Variants in PLG observed in about 807,000 individuals in gnomAD.
The protein encoded by PLG is plasminogen, also known as plasmin.
A neutral mutation model predicts 104.4 loss-of-function variants in PLG; 41 were observed. The observed-to-expected ratio is 0.39, with a 90% confidence interval of 0.31 to 0.51. PLG has a LOEUF of 0.51. Ranked by LOEUF, PLG falls within the 20% of genes least tolerant of loss-of-function variation. PLG has a pLI of 0.76. For synonymous variants in PLG, 337 were observed against 357.1 expected (o/e 0.94, Z 0.63); for missense variants, 891 against 1,003.6 (o/e 0.89, Z 1.52).
intron 1 of PLG, chr6:160,705,944 T>C: frequency 5.0e-6 from 1 of 198,024 alleles, no homozygotes; most frequent in South Asian, 9.7e-5. Flanking sequence ...TCCATAGTTC[T>C]AACCTGTTTG....
Position 160,752,911 on chromosome 6 carries a change from A to T in PLG, c.2283A>T (p.Gly761=). 1.2e-6 allele frequency: 2 copies of T among 1,613,778 alleles called. No individual in the cohort carries two copies. The change falls in exon 19 of 19, where the codon GGA becomes GGT. Residue 761 remains glycine, a synonymous_variant. Coordinates refer to ENST00000308192, the MANE Select transcript of PLG (RefSeq NM_000301.5). This position sits in a 1 kb window ranked among gnomAD's most constrained non-coding sequence, Gnocchi z 4.7. ...GGTDSCQGDS[G]GPLVCFEKDK... Reference sequence around the variant, plus strand: ...CTCCCTCTGTATAGGGTGACAGTGGAGGTCCTCTGGTTTGCTTCGAGAAGG... The same window carrying T: ...CTCCCTCTGTATAGGGTGACAGTGGTGGTCCTCTGGTTTGCTTCGAGAAGG...
At chr6:160,720,467 T>C (rs1777812466) in intron 9 of PLG, among the ~76,000 whole-genome samples, 1 of 125,636 alleles carries the variant, frequency 8.0e-6, no homozygotes, top group South Asian at 2.8e-4. Context: ...TCACCCAGGC[T>C]GGAGTGCAGT....
At position 160,753,972 on chromosome 6, in the gene PLG, C is replaced by T. The variant is rs4252181; in HGVS notation, c.*911C>T. 0.2 allele frequency among the ~76,000 whole-genome samples: 30,488 copies of T among 152,170 alleles called. 3,560 individuals are homozygous for T. The highest frequency in any genetic ancestry group is 0.27 in the Non-Finnish European group (18,588 of 67,982). ...AAATACAATTTAACAATGCAACAGT[C>T]ATCTTACAGCAGAGAAATGCAGAGA... is the stretch of plus-strand genomic sequence containing the variant. On this transcript the variant is annotated 3_prime_UTR_variant, in exon 19 of 19. Coordinates refer to ENST00000308192, the MANE Select transcript of PLG (RefSeq NM_000301.5). The surrounding 1 kb of genome is among the most constrained non-coding windows in gnomAD (Gnocchi z 5.4).
chr6:160,750,665 A>G (rs1350521434), intron 17 of PLG, among the ~76,000 whole-genome samples: 1 of 152,226 alleles, frequency 6.6e-6, no homozygotes, highest in African/African-American at 2.4e-5. Flanking sequence ...CATGCTGCTC[A>G]TGTAAACTCC....
At position 160,737,063 on chromosome 6, in the gene PLG, C is replaced by T. The variant is rs1306440664; in HGVS notation, c.1802+56C>T. 1 of 1,606,880 alleles carries T rather than the reference C, an allele frequency of 6.2e-7. No homozygotes were observed. The highest frequency in any genetic ancestry group is 1.3e-5 in the African/African-American group (1 of 74,718). ...GTCCCTCCACGTAAGCCCTGCAAAA[C>T]CCTTCTACATTTACATAAAATCCAC... On this transcript the variant is annotated intron_variant, in intron 14 of 18. Coordinates refer to ENST00000308192, the MANE Select transcript of PLG (RefSeq NM_000301.5). The surrounding 1 kb of genome is among the most constrained non-coding windows in gnomAD (Gnocchi z 4.7).
intron 6 of PLG, among the ~76,000 whole-genome samples, chr6:160,716,189 G>A (rs1413637042): frequency 6.6e-6 from 1 of 152,228 alleles, no homozygotes; most frequent in Non-Finnish European, 1.5e-5. Flanking sequence ...TTTAAAGACT[G>A]CTATCATTTG....
Position 160,738,664 on chromosome 6 carries a change from T to A in PLG, c.1877+52T>A. The stretch of plus-strand genomic sequence containing the variant: ...AGTCTTGTCTTAAATACTTTTTCTG[T>A]CCTTCTTTTCCTCCTTTCCTCCTTT... On this transcript the variant is annotated intron_variant, in intron 15 of 18. Transcript: ENST00000308192. The surrounding 1 kb of genome is among the most constrained non-coding windows in gnomAD (Gnocchi z 6.8). 8.7e-7 allele frequency: 1 copy of A among 1,144,724 alleles called. No homozygotes were observed. Among genetic ancestry groups the A allele is most frequent in the East Asian group, 2.3e-5 (1 of 42,716 alleles). The allele number at this position is 1,144,724 out of a possible 1,614,324, so 70.9% of individuals were successfully genotyped here. A position where few individuals can be genotyped will look rare whatever the true frequency, so the allele number is the denominator to read the frequency against.
rs1491160827 is a variant in PLG, at chr6:160,748,447, G to GAACGAAAGAAA, written c.2126-3668_2126-3667insAACGAAAGAAA. ...GAAAGAGAACGAAAGAAAGAAGGGAGGGAGGGAGGGAGGGAGGGAGGGAGG... is the reference window on the plus strand; with the variant it reads ...GAAAGAGAACGAAAGAAAGAAGGGAGAACGAAAGAAAGGAGGGAGGGAGGGAGGGAGGGAGG... On this transcript the variant is annotated intron_variant, in intron 17 of 18. Coordinates refer to ENST00000308192, the MANE Select transcript of PLG (RefSeq NM_000301.5). Among the ~76,000 whole-genome samples, 84 of 36,030 alleles carry GAACGAAAGAAA rather than the reference G, an allele frequency of 2.3e-3. 17 individuals carry two copies. The East Asian group carries it at 0.031, about 13-fold the overall frequency. The allele number at this position is 36,030 out of a possible 152,430, so 23.6% of individuals were successfully genotyped here. A position where few individuals can be genotyped will look rare whatever the true frequency, so the allele number is the denominator to read the frequency against.
Position 160,737,084 on chromosome 6 carries a change from T to G in PLG, c.1802+77T>G. On this transcript the variant is annotated intron_variant, in intron 14 of 18. Transcript: ENST00000308192. The surrounding 1 kb of genome is among the most constrained non-coding windows in gnomAD (Gnocchi z 4.7). ...AAAACCCTTCTACATTTACATAAAA[T>G]CCACACAGCTGAGGCATCAGCACCT... 1 of 1,594,654 alleles carries G rather than the reference T, an allele frequency of 6.3e-7. No homozygotes were observed. The highest frequency in any genetic ancestry group is 1.1e-5 in the South Asian group (1 of 89,736).
chr6:160,716,800 C>T, intron 7 of PLG, 37 bp downstream of exon 7: 1 of 1,208,290 alleles, frequency 8.3e-7, no homozygotes, highest in South Asian at 1.2e-5. Context: ...AGGATTTGGA[C>T]CTGCCCTGTT....
Position 160,724,487 on chromosome 6 carries a change from T to C in PLG, c.1256+1920T>C, listed in dbSNP as rs1280020541. 5.3e-5 allele frequency among the ~76,000 whole-genome samples: 8 copies of C among 151,918 alleles called. No individual in the cohort carries two copies. Among genetic ancestry groups the C allele is most frequent in the Non-Finnish European group, 1.2e-4 (8 of 67,980 alleles). ...GAATATCTATGAAAATATCAAAAGATTTCATATATGTGTAAAGCAAGTCAC... is the reference window on the plus strand; with the variant it reads ...GAATATCTATGAAAATATCAAAAGACTTCATATATGTGTAAAGCAAGTCAC... On this transcript the variant is annotated intron_variant, in intron 10 of 18. Coordinates refer to ENST00000308192, the MANE Select transcript of PLG (RefSeq NM_000301.5). The surrounding 1 kb of genome is among the most constrained non-coding windows in gnomAD (Gnocchi z 5.0).
intron 3 of PLG, chr6:160,708,750 A>C (rs1391070442): frequency 6.6e-6 from 1 of 152,160 alleles, no homozygotes; most frequent in Admixed American, 6.5e-5. Context: ...GTAGCATTTT[A>C]AATAGTATTT....
chr6:160,749,548 C>T (rs1299434922), intron 17 of PLG, among the ~76,000 whole-genome samples: 3 of 148,830 alleles, frequency 2.0e-5, no homozygotes, highest in Admixed American at 6.7e-5. Flanking sequence ...ATCATCACCA[C>T]CATCACCATC....
At chr6:160,747,067 A>G (rs957213696) in intron 17 of PLG, among the ~76,000 whole-genome samples, 6 of 152,200 alleles carry the variant, frequency 3.9e-5, no homozygotes, top group African/African-American at 1.4e-4. Flanking sequence ...AATTAGCCAG[A>G]CTGGCTTTCT....
chr6:160,709,848 T>G (rs1477067543), intron 3 of PLG, among the ~76,000 whole-genome samples: 2 of 152,232 alleles, frequency 1.3e-5, no homozygotes, highest in Non-Finnish European at 2.9e-5. Context: ...CCCATGTGAT[T>G]GATCAATTAA....
In PLG at chr6:160,739,416, T is replaced by C. The variant is rs1184255565; in HGVS notation, c.2018+208T>C. ...TGAGAAAGGCAGCAGGACTCCGTTTTCTCATGTGGAAAAAGAGTTGAAATG... is the reference window on the plus strand; with the variant it reads ...TGAGAAAGGCAGCAGGACTCCGTTTCCTCATGTGGAAAAAGAGTTGAAATG... On this transcript the variant is annotated intron_variant, in intron 16 of 18. Coordinates refer to ENST00000308192, the MANE Select transcript of PLG (RefSeq NM_000301.5). The surrounding 1 kb of genome is among the most constrained non-coding windows in gnomAD (Gnocchi z 4.4). Among the ~76,000 whole-genome samples, 2 of 152,150 alleles carry C rather than the reference T, an allele frequency of 1.3e-5. No individual in the cohort carries two copies. Among genetic ancestry groups the C allele is most frequent in the Admixed American group, 1.3e-4 (2 of 15,286 alleles).
At chr6:160,748,477 A>AGGGAGGG (rs1778335411) in intron 17 of PLG, among the ~76,000 whole-genome samples, 4 of 61,008 alleles carry the variant, frequency 6.6e-5, no homozygotes, top group African/African-American at 5.8e-5. Context: ...GGGAGGGAGG[A>AGGGAGGG]AGGGTGGGTG....
Position 160,752,378 on chromosome 6 carries a change from A to C in PLG, c.2271+118A>C. On this transcript the variant is annotated intron_variant, in intron 18 of 18. Transcript: ENST00000308192. This position sits in a 1 kb window ranked among gnomAD's most constrained non-coding sequence, Gnocchi z 4.7. ...GATTTTCAACCGAAGACCCCAGTCT[A>C]AGTGTTGTTTAGAAACTTCCTAGAT... 1 of 894,060 alleles carries C rather than the reference A, an allele frequency of 1.1e-6. No homozygotes were observed. The highest frequency in any genetic ancestry group is 1.9e-6 in the Non-Finnish European group (1 of 539,546). 55.4% of individuals were successfully genotyped at this position (894,060 alleles called of 1,614,324 possible).
intron 1 of PLG, among the ~76,000 whole-genome samples, chr6:160,703,777 T>C (rs1777468327): frequency 6.6e-6 from 1 of 152,250 alleles, no homozygotes; most frequent in South Asian, 2.1e-4. Context: ...TATGAACTTA[T>C]TCAGTGGGCT....
Sources: allele counts gnomAD v4.1 joint callset (sites outside exome capture counted in the v4.1 genomes callset), GRCh38; gene constraint gnomAD v4.1.1; non-coding constraint Gnocchi (gnomAD v3.1); transcripts MANE v1.5; gene names NCBI Gene and HGNC (gene_info 2026-07-23, HGNC 2026-07-21).